Variants in TMEM87B observed in about 807,000 individuals in gnomAD.
The protein encoded by TMEM87B is transmembrane protein 87B.
A neutral mutation model predicts 80.3 loss-of-function variants in TMEM87B; 83 were observed. The ratio of observed to expected loss-of-function variants is 1.03; its 90% CI spans 0.87 to 1.24. The LOEUF (loss-of-function observed/expected upper bound fraction) is 1.24, where lower values mean the gene tolerates loss of function less well. Among genes scored for constraint, TMEM87B ranks in the 50% most tolerant of loss-of-function variants. The pLI is 0.00. For synonymous variants in TMEM87B, 219 were observed against 230.5 expected (o/e 0.95, Z 0.45); for missense variants, 625 against 674.4 (o/e 0.93, Z 0.81).
intron 8 of TMEM87B, among the ~76,000 whole-genome samples, chr2:112,081,839 T>A (rs1679007412): frequency 6.6e-6 from 1 of 152,182 alleles, no homozygotes; most frequent in African/African-American, 2.4e-5. Flanking sequence ...GTGCTGTCAA[T>A]CCTTTTAACA....
chr2:112,111,561 C>T (rs547372996), intron 17 of TMEM87B, among the ~76,000 whole-genome samples: 1 of 152,108 alleles, frequency 6.6e-6, no homozygotes, highest in African/African-American at 2.4e-5. Context: ...TCTTGGGAAC[C>T]TTTGCTTCTT....
At chr2:112,115,600 TA>T (rs1680001092) in intron 18 of TMEM87B, among the ~76,000 whole-genome samples, 1 of 152,224 alleles carries the variant, frequency 6.6e-6, no homozygotes, top group South Asian at 2.1e-4. Context: ...GTAATTTCAA[TA>T]ATACATTAAT....
chr2:112,071,411 C>T (rs529609863), intron 4 of TMEM87B, among the ~76,000 whole-genome samples: 25 of 151,348 alleles, frequency 1.7e-4, no homozygotes, highest in African/African-American at 5.3e-4. Context: ...AAGCAATTCT[C>T]CTGCCTCAGC....
At chr2:112,097,729 A>C (rs1400106474) in intron 13 of TMEM87B, among the ~76,000 whole-genome samples, 5 of 151,784 alleles carry the variant, frequency 3.3e-5, no homozygotes, top group South Asian at 2.1e-4. Context: ...AAAAAAAAAA[A>C]AAAAAAAACT....
At chr2:112,104,719 G>T (rs1432372015) in intron 15 of TMEM87B, among the ~76,000 whole-genome samples, 1 of 152,050 alleles carries the variant, frequency 6.6e-6, no homozygotes, top group Non-Finnish European at 1.5e-5. Context: ...CCACTCTAAG[G>T]TTTACCCAGA....
chr2:112,083,810 A>G (rs986541284), intron 8 of TMEM87B, among the ~76,000 whole-genome samples: 4 of 152,150 alleles, frequency 2.6e-5, no homozygotes, highest in African/African-American at 7.2e-5. Context: ...TTGTGTGACT[A>G]TGTAGACAGC....
At chr2:112,066,162 G>GC (rs1208324970) in intron 3 of TMEM87B, among the ~76,000 whole-genome samples, 2 of 152,072 alleles carry the variant, frequency 1.3e-5, no homozygotes, top group African/African-American at 4.8e-5. Flanking sequence ...CATGATTCTT[G>GC]CCTGATGAGT....
intron 17 of TMEM87B, among the ~76,000 whole-genome samples, chr2:112,110,361 A>C (rs1005982023): frequency 1.3e-5 from 2 of 151,712 alleles, no homozygotes; most frequent in South Asian, 4.2e-4. Flanking sequence ...GAATTTCTTC[A>C]TGCTTTGTTT....
intron 17 of TMEM87B, among the ~76,000 whole-genome samples, chr2:112,112,495 A>C (rs762531644): frequency 1.3e-5 from 2 of 152,180 alleles, no homozygotes; most frequent in African/African-American, 4.8e-5. Flanking sequence ...ACAGAATAAC[A>C]CTAAGTGCTC....
chr2:112,107,481 T>C (rs1679803083), intron 16 of TMEM87B, among the ~76,000 whole-genome samples: 1 of 151,912 alleles, frequency 6.6e-6, no homozygotes, highest in Admixed American at 6.6e-5. Context: ...AAATTCAATA[T>C]CCTTGCTATT....
At chr2:112,088,094 C>T (rs899536201) in intron 9 of TMEM87B, among the ~76,000 whole-genome samples, 23 of 152,204 alleles carry the variant, frequency 1.5e-4, no homozygotes, top group African/African-American at 3.6e-4. Context: ...TGTGCGTGCC[C>T]GTTTGCTTGT....
chr2:112,085,852 A>G (rs1679129329), intron 8 of TMEM87B, among the ~76,000 whole-genome samples, 153 bp from the exon 9 acceptor site: 1 of 152,244 alleles, frequency 6.6e-6, no homozygotes, highest in African/African-American at 2.4e-5. Context: ...TGAAGTTTTC[A>G]AGCATCAGTT....
intron 15 of TMEM87B, among the ~76,000 whole-genome samples, chr2:112,101,718 T>C (rs1679637533): frequency 6.6e-6 from 1 of 152,164 alleles, no homozygotes; most frequent in Non-Finnish European, 1.5e-5. Context: ...AACTTGCATG[T>C]AGGTGGACCT....
rs1425859246 is a variant in TMEM87B at position 112,118,342 on chromosome 2, C to G, written c.*2199C>G. 1 of 152,226 alleles carries G rather than the reference C, an allele frequency of 6.6e-6. No homozygotes were observed. Among genetic ancestry groups the G allele is most frequent in the African/African-American group, 2.4e-5 (1 of 41,450 alleles). 9.4% of individuals were successfully genotyped at this position (152,226 alleles called of 1,614,324 possible). A position where few individuals can be genotyped will look rare whatever the true frequency, so the allele number is the denominator to read the frequency against. ...GCAGCTCATCATCCCTGTTTCTGCA[C>G]AGTTTCCTGAAACTGGCCATCAGGG... On this transcript the variant is annotated 3_prime_UTR_variant, in exon 19 of 19. Transcript: ENST00000283206.
intron 2 of TMEM87B, among the ~76,000 whole-genome samples, chr2:112,063,830 A>T (rs1274733523): frequency 2.0e-5 from 3 of 152,206 alleles, no homozygotes; most frequent in Non-Finnish European, 4.4e-5. Context: ...GGCACACAGG[A>T]TGGGGCTCAC....
At chr2:112,102,354 G>A (rs1679652888) in intron 15 of TMEM87B, among the ~76,000 whole-genome samples, 1 of 152,132 alleles carries the variant, frequency 6.6e-6, no homozygotes, top group South Asian at 2.1e-4. Flanking sequence ...TTGCAAGGCT[G>A]TTTTAACATT....
Position 112,077,220 on chromosome 2 carries a change from G to A in TMEM87B, c.530G>A (p.Gly177Glu), listed in dbSNP as rs766560631. 2 of 1,592,528 alleles carry A rather than the reference G, an allele frequency of 1.3e-6. No homozygotes were observed. The highest frequency in any genetic ancestry group is 8.5e-7 in the Non-Finnish European group (1 of 1,171,170). The change falls in exon 6 of 19, where the codon GGG (glycine) becomes GAG (glutamate). Residue 177 changes from glycine (G) to glutamate (E), a missense_variant. By Grantham distance (98) the Gly-to-Glu change is moderately conservative (BLOSUM62 -2). Coordinates refer to ENST00000283206, the MANE Select transcript of TMEM87B (RefSeq NM_032824.3). ...GTTGTAGCCAGAACACAAAAAGATGGGTTTCATATCTTTATTGTTTCTATT... is the reference window on the plus strand; with the variant it reads ...GTTGTAGCCAGAACACAAAAAGATGAGTTTCATATCTTTATTGTTTCTATT... ...MDVVARTQKD[G>E]FHIFIVSIKT...
chr2:112,082,331 C>T (rs541066235), intron 8 of TMEM87B, among the ~76,000 whole-genome samples: 1 of 152,272 alleles, frequency 6.6e-6, no homozygotes, highest in South Asian at 2.1e-4. Flanking sequence ...GATTTTTGCT[C>T]ACTGCAGCCT....
At position 112,105,956 on chromosome 2, in the gene TMEM87B, A is replaced by G. The variant is rs753052768; in HGVS notation, c.1451-46A>G. ...CAGATTATTAAATTTCTAAAGGAAA[A>G]TATTATTTTGTGATTTTATATATAT... On this transcript the variant is annotated intron_variant, in intron 15 of 18. Transcript: ENST00000283206. The G allele has an allele frequency of 5.3e-5, 71 of 1,338,766 alleles. No homozygotes were observed. The Admixed American group carries it at 5.6e-4, about 11-fold the overall frequency. The allele number at this position is 1,338,766 out of a possible 1,614,324, so 82.9% of individuals were successfully genotyped here.
Sources: allele counts gnomAD v4.1 joint callset (sites outside exome capture counted in the v4.1 genomes callset), GRCh38; gene constraint gnomAD v4.1.1; transcripts MANE v1.5; gene names NCBI Gene and HGNC (gene_info 2026-07-23, HGNC 2026-07-21).